Variants in CDC42 observed in about 807,000 individuals in gnomAD.
CDC42 encodes the protein cell division control protein 42 homolog.
In CDC42, 1 loss-of-function variant was observed where a neutral mutation model predicts 20.8. The ratio of observed to expected loss-of-function variants is 0.05; its 90% CI spans 0.02 to 0.23. The LOEUF is 0.23. Among genes scored for constraint, CDC42 ranks in the 10% least tolerant of loss-of-function variants. CDC42 has a pLI of 1.00. For synonymous variants in CDC42, 72 were observed against 84.8 expected, an observed-to-expected ratio of 0.85 and a Z score of 0.83; for missense variants, 49 against 227.9, an observed-to-expected ratio of 0.21 and a Z score of 5.05.
chr1:22,057,795 C>T lies in CDC42; in HGVS notation c.-51+5053C>T, dbSNP rs916260330. 4.0e-5 allele frequency among the ~76,000 whole-genome samples: 6 copies of T among 151,802 alleles called. No individual in the cohort carries two copies. The East Asian group carries it at 1.2e-3, about 29-fold the overall frequency. On this transcript the variant is annotated intron_variant, in intron 1 of 5. Transcript: ENST00000656825. ...CTGGAGTGCAGTGGCATGATCTTGGCTCACTGCAACCTCTGCCTCCCGGGT... is the reference window on the plus strand; with the variant it reads ...CTGGAGTGCAGTGGCATGATCTTGGTTCACTGCAACCTCTGCCTCCCGGGT...
chr1:22,069,705 G>T (rs1018358589), intron 1 of CDC42, among the ~76,000 whole-genome samples: 8 of 147,676 alleles, frequency 5.4e-5, no homozygotes, highest in Non-Finnish European at 1.2e-4. Context: ...GGGCTCAAGT[G>T]ATCCTCCTGC....
intron 1 of CDC42, among the ~76,000 whole-genome samples, chr1:22,058,027 C>A (rs369760713): frequency 2.0e-5 from 3 of 152,150 alleles, no homozygotes; most frequent in Admixed American, 6.6e-5. Context: ...TGCATTCCGG[C>A]CTCCTTTACA....
At chr1:22,091,012 AC>A (rs1645710286) in intron 5 of CDC42, among the ~76,000 whole-genome samples, 1 of 152,132 alleles carries the variant, frequency 6.6e-6, no homozygotes, top group Admixed American at 6.5e-5. Flanking sequence ...GATGCCACTG[AC>A]CCGTGCCCGT....
chr1:22,095,505 G>A lies in CDC42; in HGVS notation c.*3988G>A, dbSNP rs1041314967. ...AGGATGGTCTCGATCTCCTGACCTC[G>A]TGATCCGCCCGCCTTGGCCTCCCAA... is the stretch of plus-strand genomic sequence containing the variant. On this transcript the variant is annotated 3_prime_UTR_variant, in exon 6 of 6. Coordinates refer to ENST00000656825, the MANE Select transcript of CDC42 (RefSeq NM_001791.4). Among the ~76,000 whole-genome samples the A allele has an allele frequency of 5.3e-5, 8 of 152,026 alleles. No homozygotes were observed. The highest frequency in any genetic ancestry group is 1.9e-4 in the African/African-American group (8 of 41,376).
rs1433911364 is a variant in CDC42 at position 22,093,594 on chromosome 1, C to T, written c.*2077C>T. Among the ~76,000 whole-genome samples, 1 of 152,178 alleles carries T rather than the reference C, an allele frequency of 6.6e-6. No individual in the cohort carries two copies. The highest frequency in any genetic ancestry group is 1.5e-5 in the Non-Finnish European group (1 of 68,036). On this transcript the variant is annotated 3_prime_UTR_variant, in exon 6 of 6. Transcript: ENST00000656825. ...ACTGTGGCCTCATTTTGATAGTTCT[C>T]TGCATGGAGTCATGTTTGGCATGAT...
intron 1 of CDC42, among the ~76,000 whole-genome samples, chr1:22,063,669 GATT>G (rs997419421): frequency 5.3e-5 from 8 of 152,080 alleles, no homozygotes. Context: ...ACAAAAAAAG[GATT>G]TAACAGTTAT....
intron 1 of CDC42, among the ~76,000 whole-genome samples, chr1:22,062,559 A>G (rs1044384360): frequency 2.0e-5 from 3 of 151,966 alleles, no homozygotes; most frequent in Non-Finnish European, 4.4e-5. Flanking sequence ...TTTTTGGTGC[A>G]TGTATAAGAA....
intron 1 of CDC42, among the ~76,000 whole-genome samples, chr1:22,077,237 T>G (rs1430792558): frequency 2.0e-5 from 3 of 152,210 alleles, no homozygotes; most frequent in African/African-American, 7.2e-5. Flanking sequence ...CACACTAATG[T>G]AGTTTCATGT....
At chr1:22,087,414 C>T (rs1362287626) in intron 5 of CDC42, among the ~76,000 whole-genome samples, 2 of 152,140 alleles carry the variant, frequency 1.3e-5, no homozygotes, top group Admixed American at 1.3e-4. Context: ...ATTCCTTCCT[C>T]ATGCATTCCG....
chr1:22,074,435 G>A (rs570741605), intron 1 of CDC42, among the ~76,000 whole-genome samples: 5 of 152,226 alleles, frequency 3.3e-5, no homozygotes, highest in East Asian at 1.9e-4. Context: ...CTTTGCTGCC[G>A]TAGTGATTTG....
rs1228769638 is a variant in CDC42 at position 22,091,832 on chromosome 1, A to C, written c.*315A>C. The stretch of plus-strand genomic sequence containing the variant: ...TTTTTTTGTTGTTTAAAAGCAAGGC[A>C]TGCTTGTGGATGACTCTGTAACAGA... On this transcript the variant is annotated 3_prime_UTR_variant, in exon 6 of 6. Transcript: ENST00000656825. The C allele has an allele frequency of 6.4e-6, 1 of 155,832 alleles. No individual in the cohort carries two copies. Among genetic ancestry groups the C allele is most frequent in the African/African-American group, 3.0e-5 (1 of 33,892 alleles). 9.7% of individuals were successfully genotyped at this position (155,832 alleles called of 1,614,324 possible). A position where few individuals can be genotyped will look rare whatever the true frequency, so the allele number is the denominator to read the frequency against.
rs896705106 is a variant in CDC42 at position 22,100,645 on chromosome 1, GTCA to G, written c.*9133_*9135del. The G allele has an allele frequency of 8.5e-5, 13 of 152,362 alleles. No individual in the cohort carries two copies. Among genetic ancestry groups the G allele is most frequent in the African/African-American group, 1.9e-4 (8 of 41,580 alleles). The allele number at this position is 152,362 out of a possible 1,614,324, so 9.4% of individuals were successfully genotyped here. A position where few individuals can be genotyped will look rare whatever the true frequency, so the allele number is the denominator to read the frequency against. Reference sequence around the variant, plus strand: ...GTAGATAGCAGCTGTCTTCATCACTGTCATCATTGTTGGCTCACATCAAATCAG... The same window carrying G: ...GTAGATAGCAGCTGTCTTCATCACTGTCATTGTTGGCTCACATCAAATCAG... On this transcript the variant is annotated 3_prime_UTR_variant, in exon 6 of 6. Coordinates refer to ENST00000656825, the MANE Select transcript of CDC42 (RefSeq NM_001791.4).
chr1:22,054,050 T>TC (rs1273442925), intron 1 of CDC42, among the ~76,000 whole-genome samples: 12 of 152,176 alleles, frequency 7.9e-5, no homozygotes, highest in Non-Finnish European at 1.5e-4. Context: ...CTAGGTTGAT[T>TC]CAAGTGCACT....
chr1:22,089,910 C>T (rs1190078554), intron 5 of CDC42: 1 of 1,607,448 alleles, frequency 6.2e-7, no homozygotes, highest in African/African-American at 1.3e-5. Context: ...TCTAACCTGG[C>T]TGCTATTCTC....
At chr1:22,065,056 GTGAC>G (rs1645406933) in intron 1 of CDC42, among the ~76,000 whole-genome samples, 1 of 152,216 alleles carries the variant, frequency 6.6e-6, no homozygotes, top group Admixed American at 6.6e-5. Context: ...TCTTTGCAGA[GTGAC>G]TGACAACCTG....
chr1:22,095,126 G>C lies in CDC42; in HGVS notation c.*3609G>C, dbSNP rs555910785. ...CTTTCAGGAAGGGCTGATGGTTAGGGCATCTCTGAATGATTATTGGAGGGA... is the reference window on the plus strand; with the variant it reads ...CTTTCAGGAAGGGCTGATGGTTAGGCCATCTCTGAATGATTATTGGAGGGA... On this transcript the variant is annotated 3_prime_UTR_variant, in exon 6 of 6. Transcript: ENST00000656825. Among the ~76,000 whole-genome samples, 12 of 152,296 alleles carry C rather than the reference G, an allele frequency of 7.9e-5. No individual in the cohort carries two copies. In the South Asian group the frequency reaches 2.5e-3, roughly 32 times the overall value.
In CDC42 at chr1:22,095,405, G is replaced by A. The variant is rs548290698; in HGVS notation, c.*3888G>A. ...CTGCCTCAGCCTCCCGAGTAGCCAG[G>A]ACTACAGGCATGTGCCACCATGCCT... On this transcript the variant is annotated 3_prime_UTR_variant, in exon 6 of 6. Transcript: ENST00000656825. Among the ~76,000 whole-genome samples, 1 of 152,166 alleles carries A rather than the reference G, an allele frequency of 6.6e-6. No individual in the cohort carries two copies. The highest frequency in any genetic ancestry group is 2.4e-5 in the African/African-American group (1 of 41,506).
Position 22,078,422 on chromosome 1 carries a change from T to C in CDC42, c.-50-7T>C. The C allele has an allele frequency of 7.7e-7, 1 of 1,292,320 alleles. No individual in the cohort carries two copies. Among genetic ancestry groups the C allele is most frequent in the South Asian group, 1.3e-5 (1 of 79,288 alleles). The allele number at this position is 1,292,320 out of a possible 1,614,324, so 80.1% of individuals were successfully genotyped here. On this transcript the variant is annotated splice_polypyrimidine_tract_variant and splice_region_variant and intron_variant, in intron 1 of 5. Coordinates refer to ENST00000656825, the MANE Select transcript of CDC42 (RefSeq NM_001791.4). ...TAAATAAACAAATGTCTTTAATCTT[T>C]TTGCAGGTCATCATCAGATTTGAAA...
intron 1 of CDC42, among the ~76,000 whole-genome samples, chr1:22,061,103 GT>G (rs1238437806): frequency 6.6e-6 from 1 of 152,170 alleles, no homozygotes; most frequent in Non-Finnish European, 1.5e-5. Context: ...ATGGGCTTGG[GT>G]GTCAGATAAA....
Sources: allele counts gnomAD v4.1 joint callset (sites outside exome capture counted in the v4.1 genomes callset), GRCh38; gene constraint gnomAD v4.1.1; transcripts MANE v1.5; gene names NCBI Gene and HGNC (gene_info 2026-07-23, HGNC 2026-07-21).